Variants in BIVM observed in about 807,000 individuals in gnomAD.
BIVM encodes the protein basic immunoglobulin-like variable motif-containing protein.
A neutral mutation model predicts 61.4 loss-of-function variants in BIVM; 31 were observed. The ratio of observed to expected loss-of-function variants is 0.51; its 90% CI spans 0.38 to 0.68. BIVM has a LOEUF of 0.68. Among genes scored for constraint, BIVM ranks in the 30% least tolerant of loss-of-function variants. The pLI, the probability that BIVM is intolerant of heterozygous loss-of-function variation, is 0.00. For missense variants in BIVM, 526 were observed against 596.0 expected (o/e 0.88, Z 1.22); for synonymous variants, 189 against 210.7 (o/e 0.90, Z 0.89).
intron 3 of BIVM, among the ~76,000 whole-genome samples, chr13:102,813,836 T>C (rs1194495077): frequency 1.3e-5 from 2 of 152,182 alleles, no homozygotes; most frequent in Non-Finnish European, 2.9e-5. Flanking sequence ...GCTCCTTACA[T>C]GCATGGTCCA....
chr13:102,834,070 T>G (rs1295820461), intron 8 of BIVM, among the ~76,000 whole-genome samples: 1 of 152,186 alleles, frequency 6.6e-6, no homozygotes, highest in African/African-American at 2.4e-5. Flanking sequence ...AGGGATGGGT[T>G]TAGGACATCA....
chr13:102,816,645 G>A, intron 4 of BIVM, 91 bp downstream of exon 4: 4 of 1,128,818 alleles, frequency 3.5e-6, no homozygotes, highest in Non-Finnish European at 4.6e-6. Context: ...TACATTATAT[G>A]TATCATAAAT....
intron 1 of BIVM, among the ~76,000 whole-genome samples, chr13:102,802,891 A>G (rs1432489112): frequency 6.6e-6 from 1 of 151,922 alleles, no homozygotes; most frequent in Admixed American, 6.6e-5. Flanking sequence ...TATTACAGGT[A>G]TGAGCCACTG....
rs1016044390 is a variant in BIVM at position 102,839,617 on chromosome 13, T to C, written c.1264T>C (p.Trp422Arg). 3 of 1,614,220 alleles carry C rather than the reference T, an allele frequency of 1.9e-6. No individual in the cohort carries two copies. The highest frequency in any genetic ancestry group is 2.5e-6 in the Non-Finnish European group (3 of 1,180,044). The change falls in exon 11 of 11, where the codon TGG becomes CGG. Residue 422 changes from tryptophan to arginine, a missense_variant. By Grantham distance (101) the Trp-to-Arg change is moderately radical. Transcript: ENST00000257336. The stretch of plus-strand genomic sequence containing the variant: ...CATCATAGCATTCCAGAGACTTAAC[T>C]GGCAAAGATTTGGCCTTTGGAACTT... Reference protein sequence around the residue: ...HCIIAFQRLNWQRFGLWNFPF... With the variant: ...HCIIAFQRLNRQRFGLWNFPF...
At chr13:102,831,508 A>G in intron 7 of BIVM, 57 bp from the exon 8 acceptor site, 2 of 1,605,190 alleles carry the variant, frequency 1.2e-6, no homozygotes, top group Non-Finnish European at 1.7e-6. Context: ...TCCTTTGTGT[A>G]AAGCATGGAC....
rs757270772 is a variant in BIVM, at chr13:102,839,791, A to C, written c.1438A>C (p.Lys480Gln). Residue 480 changes from lysine (K) to glutamine (Q), a missense_variant, in exon 11 of 11, where the codon AAA becomes CAA. Lys to Gln is a moderately conservative substitution (Grantham distance 53, BLOSUM62 1). Transcript: ENST00000257336. ...TAGTTTCCATCAGGACTCGGCATGG[A>C]AAAAGATGTCTAGTATCCATGAGAG... is the stretch of plus-strand genomic sequence containing the variant. ...SASFHQDSAWKKMSSIHERRN... is the reference protein window; with the variant it reads ...SASFHQDSAWQKMSSIHERRN... The C allele has an allele frequency of 1.2e-6, 2 of 1,614,050 alleles. No individual in the cohort carries two copies. The highest frequency in any genetic ancestry group is 2.7e-5 in the African/African-American group (2 of 74,922).
intron 7 of BIVM, among the ~76,000 whole-genome samples, chr13:102,823,553 G>A (rs1423226363): frequency 6.6e-6 from 1 of 152,174 alleles, no homozygotes; most frequent in African/African-American, 2.4e-5. Context: ...CATGGGGCCT[G>A]TCTATCCTTC....
chr13:102,800,193 C>CA, intron 1 of BIVM, among the ~76,000 whole-genome samples: 1 of 152,224 alleles, frequency 6.6e-6, no homozygotes, highest in Non-Finnish European at 1.5e-5. Flanking sequence ...CTCGTTTACT[C>CA]AAACAGTCGA....
intron 9 of BIVM, among the ~76,000 whole-genome samples, chr13:102,837,321 C>G (rs1249122782): frequency 6.6e-6 from 1 of 152,108 alleles, no homozygotes; most frequent in Non-Finnish European, 1.5e-5. Flanking sequence ...GAAGAATTGA[C>G]ATCATAACAA....
At chr13:102,832,590 C>G (rs1881166983) in intron 8 of BIVM, among the ~76,000 whole-genome samples, 1 of 152,158 alleles carries the variant, frequency 6.6e-6, no homozygotes, top group African/African-American at 2.4e-5. Flanking sequence ...CCCACATGAA[C>G]AATATATTAC....
chr13:102,832,331 C>G (rs1252886923), intron 8 of BIVM, among the ~76,000 whole-genome samples: 2 of 152,120 alleles, frequency 1.3e-5, no homozygotes, highest in Non-Finnish European at 2.9e-5. Context: ...GCTAGAACTA[C>G]AGGCATGCAC....
At chr13:102,799,879 T>G (rs1346872287) in intron 1 of BIVM, among the ~76,000 whole-genome samples, 14 of 152,176 alleles carry the variant, frequency 9.2e-5, no homozygotes. Context: ...CGGTGACCCC[T>G]GTGCGGCCGT....
intron 9 of BIVM, 131 bp downstream of exon 9, chr13:102,834,683 G>A: frequency 1.3e-6 from 1 of 762,080 alleles, no homozygotes; most frequent in Non-Finnish European, 1.9e-6. Context: ...AACAGGATAT[G>A]GTACACATTC....
intron 3 of BIVM, among the ~76,000 whole-genome samples, chr13:102,810,694 A>G (rs1439091269): frequency 1.3e-5 from 2 of 152,210 alleles, no homozygotes; most frequent in African/African-American, 4.8e-5. Context: ...CAAAATGTGG[A>G]GTTACAAACC....
intron 3 of BIVM, among the ~76,000 whole-genome samples, chr13:102,814,505 A>AT (rs1351820765): frequency 6.6e-6 from 1 of 152,240 alleles, no homozygotes; most frequent in African/African-American, 2.4e-5. Context: ...AAGGTCACAC[A>AT]TTTCTATGTT....
At chr13:102,821,955 C>T (rs1880323952) in intron 6 of BIVM, 108 bp downstream of exon 6, 5 of 1,522,602 alleles carry the variant, frequency 3.3e-6, no homozygotes, top group Non-Finnish European at 4.5e-6. Context: ...GGGCTTCAAC[C>T]TCTCATAGGT....
intron 7 of BIVM, among the ~76,000 whole-genome samples, chr13:102,826,599 C>T (rs951516896): frequency 2.0e-5 from 3 of 152,172 alleles, no homozygotes; most frequent in South Asian, 2.1e-4. Flanking sequence ...GTCATACTTA[C>T]GTGTCGGATA....
intron 1 of BIVM, among the ~76,000 whole-genome samples, chr13:102,803,653 C>T (rs1263186842): frequency 6.6e-6 from 1 of 152,066 alleles, no homozygotes; most frequent in African/African-American, 2.4e-5. Flanking sequence ...ATTTCCGTCT[C>T]GCCACCAAAC....
chr13:102,821,191 C>G, intron 5 of BIVM, 59 bp downstream of exon 5: 1 of 1,445,916 alleles, frequency 6.9e-7, no homozygotes, highest in East Asian at 2.3e-5. Flanking sequence ...GTTGCTTTTT[C>G]TATAACAGAA....
Sources: gnomAD v4.1 joint callset for allele counts (sites outside exome capture counted in the v4.1 genomes callset) on GRCh38, gnomAD v4.1.1 for gene constraint, MANE v1.5 for transcripts, NCBI Gene and HGNC (gene_info 2026-07-23, HGNC 2026-07-21) for gene names.